Variants in R3HCC1L observed in about 807,000 individuals in gnomAD.
R3HCC1L encodes coiled-coil domain-containing protein R3HCC1L.
R3HCC1L carries 51 observed loss-of-function variants against 59.9 expected under a neutral mutation model. The ratio of observed to expected loss-of-function variants is 0.85; its 90% CI spans 0.68 to 1.07. The LOEUF is 1.07. R3HCC1L is among the 50% of genes least tolerant of loss of function. The pLI, the probability that R3HCC1L is intolerant of heterozygous loss-of-function variation, is 0.00. For missense variants in R3HCC1L, 965 were observed against 933.0 expected (o/e 1.03, Z -0.45); for synonymous variants, 322 against 315.2 (o/e 1.02, Z -0.23).
At chr10:98,217,682 C>G (rs1277518061) in intron 5 of R3HCC1L, among the ~76,000 whole-genome samples, 1 of 152,120 alleles carries the variant, frequency 6.6e-6, no homozygotes, top group African/African-American at 2.4e-5. Flanking sequence ...TGTGTTCTCT[C>G]CAGTTTTCTT....
chr10:98,165,635 T>C (rs1287516793), intron 4 of R3HCC1L, among the ~76,000 whole-genome samples: 1 of 152,240 alleles, frequency 6.6e-6, no homozygotes, highest in Non-Finnish European at 1.5e-5. Context: ...TGGAATTTAA[T>C]GTGGGCAAGT....
intron 4 of R3HCC1L, among the ~76,000 whole-genome samples, chr10:98,188,520 G>A (rs994892041): frequency 6.6e-6 from 1 of 152,138 alleles, no homozygotes; most frequent in African/African-American, 2.4e-5. Context: ...TCAGTGTAAT[G>A]CTAAATAAGG....
Position 98,236,183 on chromosome 10 carries a change from GTTC to G in R3HCC1L, c.2269+24_2269+26del, listed in dbSNP as rs1856934512. 3.1e-6 allele frequency: 5 copies of G among 1,612,610 alleles called. No individual in the cohort carries two copies. In the African/African-American group the frequency reaches 5.3e-5, roughly 17 times the overall value. On this transcript the variant is annotated intron_variant, in intron 9 of 9. Transcript: ENST00000298999. ...GCCAGAGGTGAGCTGAAAGGGTGGT[GTTC>G]TTCTCTAGGCCCTTCAGAACTCACT...
intron 2 of R3HCC1L, among the ~76,000 whole-genome samples, chr10:98,157,011 T>C (rs1846950127): frequency 6.6e-6 from 1 of 152,234 alleles, no homozygotes; most frequent in African/African-American, 2.4e-5. Flanking sequence ...TCACATTTGA[T>C]TAATATAGTT....
intron 4 of R3HCC1L, among the ~76,000 whole-genome samples, chr10:98,182,215 G>A (rs1161754127): frequency 1.3e-5 from 2 of 152,148 alleles, no homozygotes; most frequent in Non-Finnish European, 2.9e-5. Flanking sequence ...TTTCCTTTTT[G>A]TTGATGTTGA....
chr10:98,156,388 G>C (rs954598288), intron 2 of R3HCC1L, among the ~76,000 whole-genome samples: 1 of 152,090 alleles, frequency 6.6e-6, no homozygotes, highest in African/African-American at 2.4e-5. Flanking sequence ...TCTGCTGCTG[G>C]TGCACAGTTA....
At chr10:98,239,066 C>A (rs1274324701) in intron 9 of R3HCC1L, among the ~76,000 whole-genome samples, 1 of 152,214 alleles carries the variant, frequency 6.6e-6, no homozygotes, top group Non-Finnish European at 1.5e-5. Context: ...AGTTATACTT[C>A]TCTGTGCCCC....
At chr10:98,226,821 A>C (rs186578255) in intron 5 of R3HCC1L, among the ~76,000 whole-genome samples, 7 of 152,320 alleles carry the variant, frequency 4.6e-5, no homozygotes, top group Admixed American at 3.9e-4. Flanking sequence ...AGTTTAACTG[A>C]TATCTTCTTG....
chr10:98,141,276 A>G (rs2133867895), intron 1 of R3HCC1L, among the ~76,000 whole-genome samples: 1 of 152,326 alleles, frequency 6.6e-6, no homozygotes, highest in South Asian at 2.1e-4. Flanking sequence ...AAAGTATCTT[A>G]CATATCATAG....
chr10:98,207,697 A>G (rs528117131), intron 4 of R3HCC1L, among the ~76,000 whole-genome samples: 1 of 152,122 alleles, frequency 6.6e-6, no homozygotes, highest in South Asian at 2.1e-4. Context: ...AACAACAACA[A>G]CAAAAAAATT....
chr10:98,206,250 G>GA (rs1361554532), intron 4 of R3HCC1L, among the ~76,000 whole-genome samples: 1 of 11,318 alleles, frequency 8.8e-5, no homozygotes, highest in Non-Finnish European at 3.8e-3. Context: ...TTGACCTTGT[G>GA]AACAAATAAA....
At chr10:98,174,616 GTTAGACATTATCAAGGAGGGCA>G (rs1212370294) in intron 4 of R3HCC1L, 3 of 985,292 alleles carry the variant, frequency 3.0e-6, no homozygotes, top group Non-Finnish European at 2.4e-6. Flanking sequence ...TTAGGAGGGC[GTTAGACATTATCAAGGAGGGCA>G]TTTCAGAAGT....
intron 4 of R3HCC1L, among the ~76,000 whole-genome samples, chr10:98,182,989 G>A (rs774345535): frequency 2.2e-4 from 33 of 152,266 alleles, no homozygotes; most frequent in Middle Eastern, 3.4e-3. Context: ...GACCGCTTGC[G>A]CTTCCTGGGT....
At chr10:98,188,430 A>G (rs1850468481) in intron 4 of R3HCC1L, among the ~76,000 whole-genome samples, 1 of 152,192 alleles carries the variant, frequency 6.6e-6, no homozygotes, top group South Asian at 2.1e-4. Context: ...CTCAAAAGGA[A>G]CAGCCCTAAG....
chr10:98,227,740 C>T (rs553274169), intron 5 of R3HCC1L, among the ~76,000 whole-genome samples: 2 of 150,960 alleles, frequency 1.3e-5, no homozygotes, highest in East Asian at 3.9e-4. Context: ...CCTTCCCCCA[C>T]CCCACAACAG....
At chr10:98,134,969 G>A (rs1040605256) in intron 1 of R3HCC1L, among the ~76,000 whole-genome samples, 12 of 152,148 alleles carry the variant, frequency 7.9e-5, no homozygotes, top group Non-Finnish European at 1.5e-4. Context: ...CTCGCTTTGG[G>A]CGCTCGCCCC....
intron 4 of R3HCC1L, among the ~76,000 whole-genome samples, chr10:98,171,378 A>T (rs1654118004): frequency 6.6e-6 from 1 of 152,226 alleles, no homozygotes; most frequent in Admixed American, 6.5e-5. Context: ...ACAACACTTT[A>T]ATAAAGTAGT....
chr10:98,215,261 T>G (rs1028495130), intron 5 of R3HCC1L, among the ~76,000 whole-genome samples: 6 of 152,232 alleles, frequency 3.9e-5, no homozygotes, highest in Non-Finnish European at 8.8e-5. Context: ...AAAAGAGTAT[T>G]CTATTTAAAT....
chr10:98,184,550 T>C (rs764959461), intron 4 of R3HCC1L, among the ~76,000 whole-genome samples: 4 of 152,210 alleles, frequency 2.6e-5, no homozygotes, highest in Non-Finnish European at 5.9e-5. Flanking sequence ...TACTCTGTCA[T>C]GTTCTCACAA....
Sources: gnomAD v4.1 joint callset for allele counts (sites outside exome capture counted in the v4.1 genomes callset) on GRCh38, gnomAD v4.1.1 for gene constraint, MANE v1.5 for transcripts, NCBI Gene and HGNC (gene_info 2026-07-23, HGNC 2026-07-21) for gene names.